The following SVOP variants were observed in gnomAD, a reference collection of about 807,000 sequenced individuals.
SVOP encodes the protein synaptic vesicle 2-related protein.
A neutral mutation model predicts 69.1 loss-of-function variants in SVOP; 17 were observed. That is an observed-to-expected ratio of 0.25 (90% CI 0.17 to 0.37). SVOP has a LOEUF of 0.37. Ranked by LOEUF, SVOP falls within the 10% of genes least tolerant of loss-of-function variation. The pLI is 1.00. For synonymous variants in SVOP, 238 were observed against 238.6 expected, an observed-to-expected ratio of 1.00 and a Z score of 0.02; for missense variants, 435 against 597.5, an observed-to-expected ratio of 0.73 and a Z score of 2.84.
chr12:109,016,239 C>T (rs1434513048), intron 1 of SVOP, among the ~76,000 whole-genome samples: 1 of 152,176 alleles, frequency 6.6e-6, no homozygotes, highest in East Asian at 1.9e-4. Context: ...GGCTTTGGCC[C>T]GAGGCCACCC....
At chr12:108,979,025 T>C (rs140182840) in intron 2 of SVOP, among the ~76,000 whole-genome samples, 103,259 of 152,060 alleles carry the variant, frequency 0.68, 35,501 homozygotes, top group East Asian at 0.79. Flanking sequence ...TGTTTAAAAA[T>C]AAAACAAGAT....
At chr12:108,941,098 G>A (rs2039888850) in intron 7 of SVOP, among the ~76,000 whole-genome samples, 189 bp from the exon 8 acceptor site, 1 of 152,136 alleles carries the variant, frequency 6.6e-6, no homozygotes, top group Non-Finnish European at 1.5e-5. Flanking sequence ...AGCTCACAAG[G>A]GTACCATTAT....
chr12:109,007,929 T>G (rs1299912019), intron 1 of SVOP, among the ~76,000 whole-genome samples: 1 of 152,004 alleles, frequency 6.6e-6, no homozygotes, highest in African/African-American at 2.4e-5. Flanking sequence ...TCTCAGCTAC[T>G]GGGGAGGATG....
At chr12:108,975,351 C>T (rs2040100653) in intron 4 of SVOP, among the ~76,000 whole-genome samples, 1 of 152,208 alleles carries the variant, frequency 6.6e-6, no homozygotes, top group Admixed American at 6.5e-5. Flanking sequence ...AGAAAATTTA[C>T]CCATGAGACT....
chr12:108,945,268 C>A, intron 6 of SVOP, 102 bp from the exon 7 acceptor site: 1 of 1,062,056 alleles, frequency 9.4e-7, no homozygotes, highest in South Asian at 1.4e-5. Context: ...CAAGGGTGGT[C>A]AGTGAACCAC....
At position 108,962,910 on chromosome 12, in the gene SVOP, A is replaced by G. The variant is rs556644729; in HGVS notation, c.454-1863T>C. Among the ~76,000 whole-genome samples the G allele has an allele frequency of 1.2e-3, 190 of 152,148 alleles. 1 individual carries two copies. Among genetic ancestry groups the G allele is most frequent in the African/African-American group, 4.4e-3 (182 of 41,498 alleles). On this transcript the variant is annotated intron_variant, in intron 5 of 15. Coordinates refer to ENST00000610966, the MANE Select transcript of SVOP (RefSeq NM_018711.5). ...AACCTGGGAGGTGGAGGTTGCAGTG[A>G]GCCAAGAACTTGCCACTGCACTCCA...
chr12:108,982,954 TCAC>T (rs2040148549), intron 2 of SVOP, among the ~76,000 whole-genome samples: 1 of 150,128 alleles, frequency 6.7e-6, no homozygotes, highest in Admixed American at 6.6e-5. Context: ...ACCATCATGA[TCAC>T]CATCATCATC....
At chr12:108,934,153 G>A in intron 11 of SVOP, 42 bp downstream of exon 11, 3 of 1,534,958 alleles carry the variant, frequency 2.0e-6, no homozygotes, top group Non-Finnish European at 2.7e-6. Context: ...TGTGCCGAGG[G>A]TGTGGGAGTA....
At chr12:109,006,258 G>T (rs1024982418) in intron 1 of SVOP, among the ~76,000 whole-genome samples, 1 of 152,046 alleles carries the variant, frequency 6.6e-6, no homozygotes, top group African/African-American at 2.4e-5. Flanking sequence ...TCACCATGTT[G>T]GCCAGAAAGG....
intron 5 of SVOP, 65 bp downstream of exon 5, chr12:108,972,340 A>G (rs887730292): frequency 2.7e-6 from 4 of 1,480,094 alleles, no homozygotes; most frequent in Non-Finnish European, 3.7e-6. Flanking sequence ...CGGGTTTGCT[A>G]CTTGTCCAGA....
chr12:108,967,636 TG>T (rs2040053352), intron 5 of SVOP, among the ~76,000 whole-genome samples: 1 of 152,214 alleles, frequency 6.6e-6, no homozygotes, highest in South Asian at 2.1e-4. Flanking sequence ...TTCTAGAGCC[TG>T]GTTTCTCAAC....
At chr12:108,924,414 G>A (rs957710175) in intron 11 of SVOP, among the ~76,000 whole-genome samples, 6 of 152,180 alleles carry the variant, frequency 3.9e-5, no homozygotes, top group South Asian at 2.1e-4. Flanking sequence ...CCCCATCTCA[G>A]TTGTGGCATC....
chr12:108,919,263 C>T (rs2039733671), intron 13 of SVOP, among the ~76,000 whole-genome samples: 2 of 148,732 alleles, frequency 1.3e-5, no homozygotes, highest in Non-Finnish European at 3.0e-5. Context: ...CTTACACCCA[C>T]ATCTGGGCAT....
intron 6 of SVOP, among the ~76,000 whole-genome samples, chr12:108,957,266 G>A (rs2039990748): frequency 6.6e-6 from 1 of 152,026 alleles, no homozygotes; most frequent in South Asian, 2.1e-4. Context: ...TGGGTTCAAG[G>A]GATTCTCCTG....
intron 9 of SVOP, among the ~76,000 whole-genome samples, chr12:108,937,867 T>C (rs975834525): frequency 3.3e-5 from 5 of 152,216 alleles, no homozygotes; most frequent in Admixed American, 2.6e-4. Context: ...AAAAAATATA[T>C]GCTATGGCCA....
intron 7 of SVOP, among the ~76,000 whole-genome samples, chr12:108,944,013 C>G (rs1007311850): frequency 3.9e-5 from 6 of 152,090 alleles, no homozygotes; most frequent in Non-Finnish European, 8.8e-5. Flanking sequence ...TCCCAACTAG[C>G]TGGTATTACA....
chr12:108,912,801 C>T (rs1445699863), intron 15 of SVOP, 60 bp from the exon 16 acceptor site: 2 of 1,519,744 alleles, frequency 1.3e-6, no homozygotes, highest in African/African-American at 2.8e-5. Flanking sequence ...ACATCGCCAA[C>T]CATCAAATAG....
Position 108,958,549 on chromosome 12 carries a change from T to G in SVOP, c.578+2374A>C, listed in dbSNP as rs1482348147. ...GCACGGTGACAAAATCACCTATTGA[T>G]GCATTTTTGGAACACATCCCCATCA... On this transcript the variant is annotated intron_variant, in intron 6 of 15. Coordinates refer to ENST00000610966, the MANE Select transcript of SVOP (RefSeq NM_018711.5). 2.0e-5 allele frequency among the ~76,000 whole-genome samples: 3 copies of G among 152,250 alleles called. No individual in the cohort carries two copies. The East Asian group carries it at 5.8e-4, about 29-fold the overall frequency.
At chr12:108,953,381 C>A (rs1009019003) in intron 6 of SVOP, among the ~76,000 whole-genome samples, 1 of 149,890 alleles carries the variant, frequency 6.7e-6, no homozygotes, top group South Asian at 2.1e-4. Flanking sequence ...CTCCCGACCT[C>A]GGGTGATCTG....
Sources: allele counts gnomAD v4.1 joint callset (sites outside exome capture counted in the v4.1 genomes callset), GRCh38; gene constraint gnomAD v4.1.1; transcripts MANE v1.5; gene names NCBI Gene and HGNC (gene_info 2026-07-23, HGNC 2026-07-21).